Variants in OGFOD2 observed in about 807,000 individuals in gnomAD.
The protein encoded by OGFOD2 is 2-oxoglutarate and iron dependent oxygenase domain containing 2.
In OGFOD2, 34 loss-of-function variants were observed where a neutral mutation model predicts 31.1. The ratio of observed to expected loss-of-function variants is 1.09; its 90% confidence interval spans 0.83 to 1.45. The LOEUF (loss-of-function observed/expected upper bound fraction) is 1.45, where lower values mean the gene tolerates loss of function less well. OGFOD2 is among the 40% of genes most tolerant of loss of function. The probability of loss-of-function intolerance (pLI) is 0.00; values close to 1 mark genes in which losing one functional copy is unlikely to be tolerated. For synonymous variants in OGFOD2, 240 were observed against 192.3 expected, an observed-to-expected ratio of 1.25 and a Z score of -2.05; for missense variants, 537 against 433.9, an observed-to-expected ratio of 1.24 and a Z score of -2.11.
exon 7 of OGFOD2, chr12:122,979,363 T>C (rs1480605891): frequency 3.2e-6 from 5 of 1,580,928 alleles, no homozygotes; most frequent in Admixed American, 1.7e-5. Context: ...TTGGGCCCAG[T>C]GTGGGGGTGG....
At chr12:122,979,960 C>T (rs938071805) in exon 7 of OGFOD2, 4 of 370,684 alleles carry the variant, frequency 1.1e-5, no homozygotes, top group Non-Finnish European at 1.9e-5. Context: ...CCTTTTGGTG[C>T]CTTCGTTTCC....
At chr12:122,975,915 C>T (rs186292748) in intron 2 of OGFOD2, 48 bp downstream of exon 2, 8 of 692,910 alleles carry the variant, frequency 1.2e-5, no homozygotes, top group Middle Eastern at 2.3e-4. Flanking sequence ...AGATTTGTGT[C>T]CGCAGCTTGA....
chr12:122,976,262 A>C lies in OGFOD2; in HGVS notation c.190-392A>C, dbSNP rs1566209742. 3.2e-6 allele frequency: 3 copies of C among 940,094 alleles called. No individual in the cohort carries two copies. In the South Asian group the frequency reaches 4.2e-5, roughly 13 times the overall value. The allele number at this position is 940,094 out of a possible 1,614,324, so 58.2% of individuals were successfully genotyped here. ...ACCATATACCCCGCAGGCTGCTGCC[A>C]GGGCTGCTGCCCCACTCCCTCCTCC... On this transcript the variant is annotated intron_variant, in intron 2 of 6. Coordinates refer to ENST00000228922, the Ensembl canonical transcript of OGFOD2.
chr12:122,975,601 T>A, intron 1 of OGFOD2: 1 of 599,990 alleles, frequency 1.7e-6, no homozygotes, highest in Non-Finnish European at 3.0e-6. Context: ...GTAGGGTGCT[T>A]AGGACAGGGC....
chr12:122,978,400 C>G (rs756884327), intron 4 of OGFOD2, 42 bp from the exon 5 acceptor site: 3 of 1,606,226 alleles, frequency 1.9e-6, no homozygotes, highest in South Asian at 1.1e-5. Context: ...CTGGCCGGCC[C>G]ACGGCCACAT....
chr12:122,979,340 C>T, exon 7 of OGFOD2: 1 of 1,601,254 alleles, frequency 6.2e-7, no homozygotes, highest in Non-Finnish European at 8.5e-7. Context: ...TATGTGCGCT[C>T]ACCTGAGCTT....
rs753785267 is a variant in OGFOD2, at chr12:122,976,900, C to T, written c.333C>T (p.Ala111=). The change falls in exon 4 of 7, where the codon GCC becomes GCT. Residue 111 remains alanine, a synonymous_variant. Transcript: ENST00000228922. Reference sequence around the variant, plus strand: ...CAGCTCTGGCCCCCGAGTTCCTGGCCGTGACTGAGTACAGCGTGTCCCCAG... The same window carrying T: ...CAGCTCTGGCCCCCGAGTTCCTGGCTGTGACTGAGTACAGCGTGTCCCCAG... The T allele has an allele frequency of 2.6e-5, 42 of 1,610,126 alleles. No homozygotes were observed. The Admixed American group carries it at 4.8e-4, about 19-fold the overall frequency.
At chr12:122,978,782 G>C (rs758063449) in exon 6 of OGFOD2, 1 of 1,610,942 alleles carries the variant, frequency 6.2e-7, no homozygotes, top group Non-Finnish European at 8.5e-7. Context: ...GGCTGGACGA[G>C]CCGCTGATGA....
intron 4 of OGFOD2, 35 bp downstream of exon 4, chr12:122,977,005 G>A (rs1054472148): frequency 6.3e-7 from 1 of 1,592,656 alleles, no homozygotes; most frequent in Admixed American, 1.7e-5. Context: ...GCAGGACCAG[G>A]GAATGGCAGC....
At chr12:122,978,882 G>A in exon 6 of OGFOD2, 1 of 1,612,562 alleles carries the variant, frequency 6.2e-7, no homozygotes, top group Non-Finnish European at 8.5e-7. Context: ...CCGGGCCTTT[G>A]TGGTCAAATA....
rs140044875 is a variant in OGFOD2 at position 122,976,850 on chromosome 12, G to T, written c.304-21G>T. On this transcript the variant is annotated intron_variant, in intron 3 of 6. Transcript: ENST00000228922. ...GGCTGGGGGTGCTGCCTGCCCCACA[G>T]CTGGTGTGTTTTGCTCCCAGGATGC... 5.6e-5 allele frequency: 89 copies of T among 1,597,748 alleles called. No homozygotes were observed. The East Asian group carries it at 2.0e-3, about 36-fold the overall frequency.
upstream of OGFOD2, chr12:122,974,944 T>C (rs1347665843): frequency 9.7e-5 from 25 of 258,620 alleles, no homozygotes; most frequent in East Asian, 1.8e-3. Flanking sequence ...TCAAAGGCCT[T>C]GGGGCTCCGA....
chr12:122,977,236 T>C (rs2037462433), intron 4 of OGFOD2: 2 of 478,872 alleles, frequency 4.2e-6, no homozygotes, highest in Non-Finnish European at 7.9e-6. Flanking sequence ...TTGTGTCATG[T>C]GTGGGACAGC....
At chr12:122,979,490 GCTGC>G in exon 7 of OGFOD2, 1 of 1,068,898 alleles carries the variant, frequency 9.4e-7, no homozygotes, top group South Asian at 1.7e-5. Flanking sequence ...GGGCAAAGAT[GCTGC>G]CTTAGTTCAG....
chr12:122,975,350 A>T, exon 1 of OGFOD2: 1 of 701,612 alleles, frequency 1.4e-6, no homozygotes, highest in East Asian at 2.7e-5. Flanking sequence ...TGCGCTTCCG[A>T]GGCGAGCAGC....
chr12:122,979,282 A>G, exon 7 of OGFOD2: 2 of 1,612,774 alleles, frequency 1.2e-6, no homozygotes, highest in East Asian at 2.2e-5. Context: ...GTGGACGATG[A>G]GGGCTTCGGT....
chr12:122,976,796 C>T lies in OGFOD2; in HGVS notation c.303+29C>T, dbSNP rs369139875. 4.5e-5 allele frequency: 72 copies of T among 1,606,436 alleles called. No individual in the cohort carries two copies. In the African/African-American group the frequency reaches 5.2e-4, roughly 12 times the overall value. ...CCAGCCAGCCAGAGTGCTTGAAGGC[C>T]GGTACTGGAAAGAGGAGGTAGCATC... On this transcript the variant is annotated intron_variant, in intron 3 of 6. Coordinates refer to ENST00000228922, the Ensembl canonical transcript of OGFOD2.
At chr12:122,979,391 C>T (rs752439477) in exon 7 of OGFOD2, 13 of 1,555,172 alleles carry the variant, frequency 8.4e-6, no homozygotes, top group South Asian at 2.3e-5. Context: ...GTGAGGGCTC[C>T]GTTGCCTTGG....
exon 4 of OGFOD2, chr12:122,976,886 C>T: frequency 6.2e-7 from 1 of 1,607,714 alleles, no homozygotes; most frequent in Non-Finnish European, 8.5e-7. Context: ...AGCTCTGGCC[C>T]CCGAGTTCCT....
Sources: allele counts gnomAD v4.1 joint callset, GRCh38; gene constraint gnomAD v4.1.1; transcripts MANE v1.5; gene names NCBI Gene and HGNC (gene_info 2026-07-23, HGNC 2026-07-21).